RALGAPA1: variants seen among roughly 807,000 people sequenced by gnomAD.
RALGAPA1 encodes ral GTPase-activating protein subunit alpha-1.
Under a neutral mutation model 269.6 loss-of-function variants are expected in RALGAPA1, and 52 were observed. That is an observed-to-expected ratio of 0.19 (90% CI 0.15 to 0.24). RALGAPA1 has a LOEUF of 0.24. RALGAPA1 is among the 10% of genes least tolerant of loss of function. The pLI is 1.00. For missense variants in RALGAPA1, 1,917 were observed against 3,013.9 expected, an observed-to-expected ratio of 0.64 and a Z score of 8.52; for synonymous variants, 817 against 1,008.3, an observed-to-expected ratio of 0.81 and a Z score of 3.60.
intron 1 of RALGAPA1, among the ~76,000 whole-genome samples, chr14:35,805,231 C>T (rs1372329722): frequency 6.6e-6 from 1 of 150,960 alleles, no homozygotes; most frequent in East Asian, 1.9e-4. Context: ...CGAAACCAGC[C>T]TGGGCAACAC....
chr14:35,713,987 C>T (rs960434049), intron 16 of RALGAPA1, among the ~76,000 whole-genome samples: 18 of 151,280 alleles, frequency 1.2e-4, no homozygotes, highest in Non-Finnish European at 2.5e-4. Context: ...CCCTGCTACT[C>T]GAGAAGCTGA....
At chr14:35,759,710 G>C (rs1011822146) in intron 6 of RALGAPA1, among the ~76,000 whole-genome samples, 2 of 151,866 alleles carry the variant, frequency 1.3e-5, no homozygotes, top group Admixed American at 1.3e-4. Flanking sequence ...AGGAGTTCGA[G>C]ACCAGCTTGG....
At chr14:35,583,366 G>A (rs2058074293) in intron 37 of RALGAPA1, among the ~76,000 whole-genome samples, 1 of 152,076 alleles carries the variant, frequency 6.6e-6, no homozygotes, top group Non-Finnish European at 1.5e-5. Flanking sequence ...GCTGAGGAAA[G>A]AATCTCTGAG....
intron 29 of RALGAPA1, among the ~76,000 whole-genome samples, chr14:35,654,880 G>C (rs2063072502): frequency 6.6e-6 from 1 of 152,098 alleles, no homozygotes; most frequent in South Asian, 2.1e-4. Flanking sequence ...ATGGCATAAA[G>C]ACAAACTTTT....
At chr14:35,643,376 C>T (rs959057076) in intron 31 of RALGAPA1, among the ~76,000 whole-genome samples, 4 of 151,934 alleles carry the variant, frequency 2.6e-5, no homozygotes, top group African/African-American at 9.7e-5. Context: ...ATCCAAAAGA[C>T]AGGCAATAAA....
chr14:35,586,205 C>T (rs922642563), intron 37 of RALGAPA1, among the ~76,000 whole-genome samples: 1 of 152,180 alleles, frequency 6.6e-6, no homozygotes, highest in Non-Finnish European at 1.5e-5. Context: ...ATTTTATTCT[C>T]TTTGAAGCAA....
chr14:35,639,883 G>A (rs558235410), intron 31 of RALGAPA1, among the ~76,000 whole-genome samples: 12 of 151,616 alleles, frequency 7.9e-5, no homozygotes, highest in African/African-American at 2.9e-4. Context: ...AGCTTGCAGT[G>A]AGTCAAGATT....
At chr14:35,765,724 G>C (rs1010362279) in intron 4 of RALGAPA1, 12 of 336,288 alleles carry the variant, frequency 3.6e-5, no homozygotes, top group Non-Finnish European at 6.2e-5. Context: ...TCAAACTCCT[G>C]GGCTCAGGTG....
At position 35,700,274 on chromosome 14, in the gene RALGAPA1, A is replaced by G. The variant is rs972782406; in HGVS notation, c.2295T>C (p.Cys765=). Residue 765 remains cysteine, a synonymous_variant, in exon 17 of 42, where the codon TGT becomes TGC. Transcript: ENST00000680220. The part of the protein sequence containing the change: ...VAMRSRSIGE[C]ALPSAYIRSA... The stretch of plus-strand genomic sequence containing the variant: ...TGCGTATATAGGCCGATGGCAGAGC[A>G]CATTCACCAATGGATCGGCTTCTCA... 2.6e-6 allele frequency: 4 copies of G among 1,530,698 alleles called. No homozygotes were observed. The African/African-American group carries it at 4.1e-5, about 16-fold the overall frequency. The allele number at this position is 1,530,698 out of a possible 1,614,324, so 94.8% of individuals were successfully genotyped here.
chr14:35,786,375 C>T (rs1470048839), intron 1 of RALGAPA1, among the ~76,000 whole-genome samples: 3 of 152,144 alleles, frequency 2.0e-5, no homozygotes, highest in Admixed American at 6.6e-5. Context: ...CGCGGTAGCT[C>T]AGGCCTGTAA....
intron 30 of RALGAPA1, among the ~76,000 whole-genome samples, chr14:35,653,049 T>C (rs955778742): frequency 7.9e-5 from 12 of 152,200 alleles, no homozygotes; most frequent in Non-Finnish European, 1.5e-4. Flanking sequence ...CTACATTTAG[T>C]GCTGTAATAG....
chr14:35,604,249 T>C (rs1422467810), intron 36 of RALGAPA1, among the ~76,000 whole-genome samples: 2 of 151,814 alleles, frequency 1.3e-5, no homozygotes, highest in East Asian at 1.9e-4. Context: ...AACGACAGAG[T>C]ATACACATTG....
chr14:35,650,905 C>T lies in RALGAPA1; in HGVS notation c.5676+900G>A, dbSNP rs565586929. ...CAATGATGAAAATGGTCTATATTTG[C>T]CCATATGGCTATTGAGCACTTGATA... On this transcript the variant is annotated intron_variant, in intron 31 of 41. Coordinates refer to ENST00000680220, the MANE Select transcript of RALGAPA1 (RefSeq NM_001346249.2). 5.5e-5 allele frequency among the ~76,000 whole-genome samples: 8 copies of T among 146,356 alleles called. No homozygotes were observed. The South Asian group carries it at 1.7e-3, about 30-fold the overall frequency.
At chr14:35,657,563 C>T (rs1300840545) in intron 28 of RALGAPA1, among the ~76,000 whole-genome samples, 1 of 151,950 alleles carries the variant, frequency 6.6e-6, no homozygotes, top group Non-Finnish European at 1.5e-5. Flanking sequence ...TTATATTCAA[C>T]TTCTGGGGTT....
chr14:35,643,389 C>A (rs2139868204), intron 31 of RALGAPA1, among the ~76,000 whole-genome samples: 1 of 152,060 alleles, frequency 6.6e-6, no homozygotes, highest in Admixed American at 6.5e-5. Flanking sequence ...GCAATAAATG[C>A]TGGCGAGGAT....
At chr14:35,730,018 A>G (rs1455068604) in intron 12 of RALGAPA1, among the ~76,000 whole-genome samples, 1 of 152,170 alleles carries the variant, frequency 6.6e-6, no homozygotes, top group Admixed American at 6.5e-5. Context: ...TGAAGGAAGC[A>G]AACTGCTCCT....
chr14:35,624,806 A>T (rs1290974245), intron 35 of RALGAPA1, among the ~76,000 whole-genome samples: 1 of 152,196 alleles, frequency 6.6e-6, no homozygotes, highest in African/African-American at 2.4e-5. Context: ...GATGTGACTA[A>T]GGTTTGCTTA....
At chr14:35,645,103 A>C (rs2062308250) in intron 31 of RALGAPA1, among the ~76,000 whole-genome samples, 1 of 152,164 alleles carries the variant, frequency 6.6e-6, no homozygotes. Flanking sequence ...CCAATTCAGT[A>C]TATGTGAGGG....
chr14:35,543,134 CTG>C (rs1328042970), intron 41 of RALGAPA1, among the ~76,000 whole-genome samples: 1 of 152,224 alleles, frequency 6.6e-6, no homozygotes, highest in Non-Finnish European at 1.5e-5. Context: ...AATGCCGACT[CTG>C]TCACTTTACC....
Sources: allele counts gnomAD v4.1 joint callset (sites outside exome capture counted in the v4.1 genomes callset), GRCh38; gene constraint gnomAD v4.1.1; transcripts MANE v1.5; gene names NCBI Gene and HGNC (gene_info 2026-07-23, HGNC 2026-07-21).